KHDRBS3: variants seen among roughly 807,000 people sequenced by gnomAD.
KHDRBS3 encodes KH domain-containing, RNA-binding, signal transduction-associated protein 3.
In KHDRBS3, 23 loss-of-function variants were observed where a neutral mutation model predicts 45.6. That is an observed-to-expected ratio of 0.50 (90% CI 0.36 to 0.72). The LOEUF is 0.72. KHDRBS3 is among the 30% of genes least tolerant of loss of function. The pLI is 0.00. For synonymous variants in KHDRBS3, 162 were observed against 156.5 expected (o/e 1.04, Z -0.26); for missense variants, 352 against 424.8 (o/e 0.83, Z 1.51).
intron 7 of KHDRBS3, among the ~76,000 whole-genome samples, chr8:135,627,062 A>G (rs1486743304): frequency 6.6e-6 from 1 of 152,188 alleles, no homozygotes; most frequent in African/African-American, 2.4e-5. Flanking sequence ...CACACGCCTT[A>G]TTTCCGAATG....
chr8:135,466,765 C>A (rs1374239388), intron 1 of KHDRBS3, among the ~76,000 whole-genome samples: 2 of 152,200 alleles, frequency 1.3e-5, no homozygotes, highest in African/African-American at 4.8e-5. Flanking sequence ...GTTTTAGTAA[C>A]TTTTAGCAGG....
chr8:135,502,108 A>C (rs1465353159), intron 1 of KHDRBS3, among the ~76,000 whole-genome samples: 1 of 152,230 alleles, frequency 6.6e-6, no homozygotes, highest in Non-Finnish European at 1.5e-5. Context: ...CTAAGTCATC[A>C]GAACAGAACA....
chr8:135,584,874 C>T (rs941401948), intron 6 of KHDRBS3, among the ~76,000 whole-genome samples: 4 of 152,232 alleles, frequency 2.6e-5, no homozygotes, highest in African/African-American at 4.8e-5. Flanking sequence ...TCACCCATCA[C>T]GCTTAGTTTT....
rs1830320287 is a variant in KHDRBS3, at chr8:135,625,550, G to C, written c.890+18513G>C. On this transcript the variant is annotated intron_variant, in intron 7 of 8. Coordinates refer to ENST00000355849, the MANE Select transcript of KHDRBS3 (RefSeq NM_006558.3). The stretch of plus-strand genomic sequence containing the variant: ...GAGAGGTTTCTTGGGTGTATTCAGA[G>C]CTGGAGCAACGAGAGAGGGAGCCAC... The C allele has an allele frequency of 5.3e-5, 49 of 917,968 alleles. No individual in the cohort carries two copies. In the South Asian group the frequency reaches 6.4e-4, roughly 12 times the overall value. 56.9% of individuals were successfully genotyped at this position (917,968 alleles called of 1,614,324 possible).
At chr8:135,569,875 C>CT (rs1827618014) in intron 5 of KHDRBS3, among the ~76,000 whole-genome samples, 1 of 152,306 alleles carries the variant, frequency 6.6e-6, no homozygotes, top group South Asian at 2.1e-4. Context: ...CTGGTCCCCT[C>CT]TGTCTTTTTA....
intron 2 of KHDRBS3, among the ~76,000 whole-genome samples, chr8:135,525,618 A>G (rs1248206773): frequency 6.6e-6 from 1 of 152,198 alleles, no homozygotes; most frequent in South Asian, 2.1e-4. Context: ...GTTCTCAGCC[A>G]TACCTGCAGA....
chr8:135,488,186 G>T (rs1161406917), intron 1 of KHDRBS3, among the ~76,000 whole-genome samples: 1 of 152,060 alleles, frequency 6.6e-6, no homozygotes, highest in Non-Finnish European at 1.5e-5. Flanking sequence ...TAGTTAGATC[G>T]ATTTGATTTT....
At chr8:135,564,358 G>T (rs1009365013) in intron 5 of KHDRBS3, among the ~76,000 whole-genome samples, 15 of 152,110 alleles carry the variant, frequency 9.9e-5, no homozygotes, top group Non-Finnish European at 1.3e-4. Context: ...ATGCATAATT[G>T]CTGTTATTTA....
At chr8:135,612,217 T>C (rs552518655) in intron 7 of KHDRBS3, among the ~76,000 whole-genome samples, 1 of 151,982 alleles carries the variant, frequency 6.6e-6, no homozygotes, top group South Asian at 2.1e-4. Flanking sequence ...TTGATTACAG[T>C]TGCTGGGACT....
At chr8:135,599,298 A>G (rs1321132431) in intron 6 of KHDRBS3, among the ~76,000 whole-genome samples, 3 of 152,218 alleles carry the variant, frequency 2.0e-5, no homozygotes, top group Non-Finnish European at 4.4e-5. Flanking sequence ...AACATTATTT[A>G]TGTTTATAAT....
rs113282587 is a variant in KHDRBS3, at chr8:135,571,800, C to G, written c.612-10078C>G. ...TTTCCAGAGTCACCCCTAACTCTTA[C>G]TCACTGTGTGGCCTTGGGGAGCTTG... On this transcript the variant is annotated intron_variant, in intron 5 of 8. Coordinates refer to ENST00000355849, the MANE Select transcript of KHDRBS3 (RefSeq NM_006558.3). Among the ~76,000 whole-genome samples the G allele has an allele frequency of 4.4e-3, 663 of 152,110 alleles. 13 individuals are homozygous for G. Among genetic ancestry groups the G allele is most frequent in the African/African-American group, 0.015 (605 of 41,400 alleles).
intron 4 of KHDRBS3, chr8:135,549,142 A>T (rs1285718784): frequency 6.5e-6 from 2 of 308,040 alleles, no homozygotes; most frequent in Non-Finnish European, 1.2e-5. Flanking sequence ...TGGCTAAAAA[A>T]CTTGCATAGC....
chr8:135,651,472 A>G (rs185854525), downstream of KHDRBS3, among the ~76,000 whole-genome samples: 4 of 152,242 alleles, frequency 2.6e-5, no homozygotes, highest in East Asian at 7.7e-4. Flanking sequence ...TATATTAGAT[A>G]ATTAGAGAAA....
At chr8:135,524,218 G>C (rs1384991879) in intron 2 of KHDRBS3, among the ~76,000 whole-genome samples, 1 of 152,116 alleles carries the variant, frequency 6.6e-6, no homozygotes, top group Non-Finnish European at 1.5e-5. Context: ...CCTTCTCCAT[G>C]TTGACCAGGC....
In KHDRBS3 at chr8:135,581,865, C is replaced by T. The variant is rs780867813; in HGVS notation, c.612-13C>T. 1.3e-6 allele frequency: 2 copies of T among 1,557,780 alleles called. No homozygotes were observed. Among genetic ancestry groups the T allele is most frequent in the South Asian group, 2.4e-5 (2 of 81,862 alleles). ...TATGATAGATACTGCTAATTTGACT[C>T]TCTTGGTTACAGGGGAAGGGGAGGA... On this transcript the variant is annotated splice_polypyrimidine_tract_variant and intron_variant, in intron 5 of 8. Coordinates refer to ENST00000355849, the MANE Select transcript of KHDRBS3 (RefSeq NM_006558.3).
At chr8:135,614,079 C>T (rs1222144121) in intron 7 of KHDRBS3, among the ~76,000 whole-genome samples, 5 of 151,880 alleles carry the variant, frequency 3.3e-5, no homozygotes, top group Non-Finnish European at 5.9e-5. Flanking sequence ...ATAATGCTAA[C>T]ATTACAGTAT....
intron 6 of KHDRBS3, among the ~76,000 whole-genome samples, chr8:135,603,038 A>G (rs1274739630): frequency 1.3e-5 from 2 of 152,108 alleles, no homozygotes; most frequent in Non-Finnish European, 2.9e-5. Flanking sequence ...GGAAACTTCT[A>G]CTTTCTGTGC....
At chr8:135,464,291 C>T (rs560488632) in intron 1 of KHDRBS3, among the ~76,000 whole-genome samples, 1 of 151,974 alleles carries the variant, frequency 6.6e-6, no homozygotes, top group East Asian at 1.9e-4. Flanking sequence ...TTTTTTTTCT[C>T]CTGTGCTCTC....
chr8:135,499,050 T>A (rs954053077), intron 1 of KHDRBS3, among the ~76,000 whole-genome samples: 1 of 152,180 alleles, frequency 6.6e-6, no homozygotes, highest in African/African-American at 2.4e-5. Flanking sequence ...CACAGATCAG[T>A]TTTGGTGCCT....
Sources: allele counts gnomAD v4.1 joint callset (sites outside exome capture counted in the v4.1 genomes callset), GRCh38; gene constraint gnomAD v4.1.1; transcripts MANE v1.5; gene names NCBI Gene and HGNC (gene_info 2026-07-23, HGNC 2026-07-21).